The following PDE4D variants were observed in gnomAD, a reference collection of about 807,000 sequenced individuals.
PDE4D encodes the protein 3',5'-cyclic-AMP phosphodiesterase 4D.
In PDE4D, 24 loss-of-function variants were observed where a neutral mutation model predicts 87.4. The ratio of observed to expected loss-of-function variants is 0.27; its 90% CI spans 0.20 to 0.39. PDE4D has a LOEUF of 0.39. PDE4D is among the 10% of genes least tolerant of loss of function. The probability of loss-of-function intolerance (pLI) is 1.00; values close to 1 mark genes in which losing one functional copy is unlikely to be tolerated. For missense variants in PDE4D, 714 were observed against 1,041.0 expected (o/e 0.69, Z 4.32); for synonymous variants, 384 against 383.2 (o/e 1.00, Z -0.02).
At chr5:59,652,027 A>G (rs1743592108) in intron 1 of PDE4D, among the ~76,000 whole-genome samples, 1 of 152,190 alleles carries the variant, frequency 6.6e-6, no homozygotes, top group Admixed American at 6.5e-5. Flanking sequence ...ACAACTCTCA[A>G]GGGCATGCCA....
chr5:60,037,267 AG>A (rs1462617188), intron 2 of PDE4D, among the ~76,000 whole-genome samples: 5 of 152,230 alleles, frequency 3.3e-5, no homozygotes, highest in African/African-American at 1.2e-4. Flanking sequence ...CTATGAATTC[AG>A]CTTAATTGAT....
chr5:60,083,983 T>C (rs1304315829), intron 2 of PDE4D, among the ~76,000 whole-genome samples: 1 of 152,248 alleles, frequency 6.6e-6, no homozygotes, highest in Non-Finnish European at 1.5e-5. Context: ...ATGCCAGTTT[T>C]CTTCATTGTA....
At position 59,181,566 on chromosome 5, in the gene PDE4D, ATATATT is replaced by A. The variant is rs1741584169; in HGVS notation, c.759-928_759-923del. On this transcript the variant is annotated intron_variant, in intron 4 of 14. Coordinates refer to ENST00000340635, the MANE Select transcript of PDE4D (RefSeq NM_001104631.2). ...CTGATATATATATATATATATATAT[ATATATT>A]AGGTATATAATAATTATATATATAT... Among the ~76,000 whole-genome samples the A allele has an allele frequency of 3.4e-5, 4 of 117,248 alleles. 1 individual carries two copies. The highest frequency in any genetic ancestry group is 3.1e-5 in the African/African-American group (1 of 32,562). 76.9% of individuals were successfully genotyped at this position (117,248 alleles called of 152,430 possible).
At chr5:60,169,468 C>A (rs1349481999) in intron 2 of PDE4D, among the ~76,000 whole-genome samples, 2 of 151,888 alleles carry the variant, frequency 1.3e-5, no homozygotes, top group Non-Finnish European at 2.9e-5. Context: ...CCTAATCTAA[C>A]CTCTTCCCTC....
intron 1 of PDE4D, among the ~76,000 whole-genome samples, chr5:59,401,370 C>T (rs56390580): frequency 0.099 from 15,103 of 152,126 alleles, 869 homozygotes; most frequent in Non-Finnish European, 0.13. Flanking sequence ...TTCAAGGTTA[C>T]AGTGACCTAT....
At chr5:59,381,588 T>C (rs1481794440) in intron 1 of PDE4D, among the ~76,000 whole-genome samples, 3 of 152,170 alleles carry the variant, frequency 2.0e-5, no homozygotes, top group Non-Finnish European at 4.4e-5. Flanking sequence ...TTTTATATAC[T>C]AATGAAAGCA....
At chr5:59,343,568 T>C (rs1779126604) in intron 1 of PDE4D, among the ~76,000 whole-genome samples, 1 of 152,222 alleles carries the variant, frequency 6.6e-6, no homozygotes, top group Admixed American at 6.5e-5. Context: ...TAGCAGATTA[T>C]ATACTCAATA....
At chr5:59,927,106 T>C (rs995683368) in intron 3 of PDE4D, among the ~76,000 whole-genome samples, 1 of 152,202 alleles carries the variant, frequency 6.6e-6, no homozygotes, top group African/African-American at 2.4e-5. Flanking sequence ...GAATTTAGCT[T>C]GTTTATGATG....
intron 2 of PDE4D, among the ~76,000 whole-genome samples, chr5:60,179,560 C>T (rs1784211783): frequency 6.6e-6 from 1 of 151,946 alleles, no homozygotes; most frequent in African/African-American, 2.4e-5. Flanking sequence ...ATTATGCAAG[C>T]TATTGGAAGC....
chr5:58,977,782 C>CAAAG (rs1744155419), intron 11 of PDE4D, among the ~76,000 whole-genome samples: 2 of 152,138 alleles, frequency 1.3e-5, no homozygotes, highest in Admixed American at 6.5e-5. Context: ...TGTTTGTACT[C>CAAAG]AAAGAGGGTA....
intron 5 of PDE4D, among the ~76,000 whole-genome samples, chr5:59,143,032 A>G (rs1332565639): frequency 6.6e-6 from 1 of 152,222 alleles, no homozygotes; most frequent in Non-Finnish European, 1.5e-5. Flanking sequence ...AAAAAATAAC[A>G]TTTATTAATA....
chr5:59,842,478 G>A (rs1044704395), intron 1 of PDE4D, among the ~76,000 whole-genome samples: 2 of 152,036 alleles, frequency 1.3e-5, no homozygotes, highest in Non-Finnish European at 1.5e-5. Flanking sequence ...CCTTAACTGG[G>A]ATGCTGATTT....
intron 2 of PDE4D, among the ~76,000 whole-genome samples, chr5:60,088,519 T>G (rs1226636166): frequency 6.6e-6 from 1 of 151,830 alleles, no homozygotes; most frequent in Non-Finnish European, 1.5e-5. Context: ...AGTCAAAATG[T>G]GGGAGGGGGT....
intron 1 of PDE4D, among the ~76,000 whole-genome samples, chr5:60,398,199 A>G (rs746612021): frequency 6.6e-6 from 1 of 152,216 alleles, no homozygotes; most frequent in Non-Finnish European, 1.5e-5. Context: ...TGATTTGCAA[A>G]TGATAGTGGT....
At chr5:60,105,751 C>A (rs535970224) in intron 2 of PDE4D, among the ~76,000 whole-genome samples, 37 of 152,180 alleles carry the variant, frequency 2.4e-4, no homozygotes, top group African/African-American at 8.2e-4. Flanking sequence ...AATTTCATAT[C>A]CAGCCAAACT....
chr5:60,449,676 A>T, intron 1 of PDE4D, among the ~76,000 whole-genome samples: 1 of 151,136 alleles, frequency 6.6e-6, no homozygotes. Context: ...AAATAAAATA[A>T]AAAATAAAAT....
At chr5:60,299,970 G>T (rs536383889) in intron 1 of PDE4D, among the ~76,000 whole-genome samples, 1 of 152,224 alleles carries the variant, frequency 6.6e-6, no homozygotes, top group Non-Finnish European at 1.5e-5. Flanking sequence ...TTGAGGAATC[G>T]CCACACTGTC....
intron 1 of PDE4D, among the ~76,000 whole-genome samples, chr5:59,273,820 G>C (rs1764303498): frequency 6.6e-6 from 1 of 152,034 alleles, no homozygotes; most frequent in Non-Finnish European, 1.5e-5. Context: ...AATAATTGTG[G>C]ATAAAAATAG....
intron 1 of PDE4D, among the ~76,000 whole-genome samples, chr5:59,445,919 C>A (rs530445384): frequency 8.3e-4 from 127 of 152,266 alleles, no homozygotes; most frequent in African/African-American, 2.9e-3. Flanking sequence ...CTTTTGTCTG[C>A]CCCATGGTCA....
Sources: allele counts gnomAD v4.1 joint callset (sites outside exome capture counted in the v4.1 genomes callset), GRCh38; gene constraint gnomAD v4.1.1; transcripts MANE v1.5; gene names NCBI Gene and HGNC (gene_info 2026-07-23, HGNC 2026-07-21).